The following STK24 variants were observed in gnomAD, a reference collection of about 807,000 sequenced individuals.
The protein encoded by STK24 is serine/threonine kinase 24.
Under a neutral mutation model 55.6 loss-of-function variants are expected in STK24, and 21 were observed. That is an observed-to-expected ratio of 0.38 (90% CI 0.27 to 0.54). The LOEUF (loss-of-function observed/expected upper bound fraction) is 0.54. Among genes scored for constraint, STK24 ranks in the 20% least tolerant of loss-of-function variants. The probability of loss-of-function intolerance (pLI) is 0.79; values close to 1 mark genes in which losing one functional copy is unlikely to be tolerated. For missense variants in STK24, 383 were observed against 538.4 expected, an observed-to-expected ratio of 0.71 and a Z score of 2.86; for synonymous variants, 200 against 215.2, an observed-to-expected ratio of 0.93 and a Z score of 0.62.
In STK24 at chr13:98,448,393, G is replaced by T; in HGVS notation, c.*4780C>A. Reference sequence around the variant, plus strand: ...CTTTCTTCTGTATTAATGAAGCCTGGTAAAATTAACACCTGTCTGAAAATC... The same window carrying T: ...CTTTCTTCTGTATTAATGAAGCCTGTTAAAATTAACACCTGTCTGAAAATC... On this transcript the variant is annotated 3_prime_UTR_variant, in exon 11 of 11. Coordinates refer to ENST00000539966, the MANE Select transcript of STK24 (RefSeq NM_001032296.4). 1 of 1,180,012 alleles carries T rather than the reference G, an allele frequency of 8.5e-7. No individual in the cohort carries two copies. The allele number at this position is 1,180,012 out of a possible 1,614,324, so 73.1% of individuals were successfully genotyped here.
At chr13:98,558,123 G>A (rs7322947) in intron 1 of STK24, among the ~76,000 whole-genome samples, 2,184 of 152,222 alleles carry the variant, frequency 0.014, 58 homozygotes, top group African/African-American at 0.049. Flanking sequence ...CCTTGAAGAC[G>A]GAGCTGTTAG....
chr13:98,538,221 GCT>G (rs1896790030), intron 1 of STK24, among the ~76,000 whole-genome samples: 1 of 79,208 alleles, frequency 1.3e-5, no homozygotes, highest in Admixed American at 1.4e-4. Flanking sequence ...TTTGGTGCTT[GCT>G]TTTTTTTTTT....
chr13:98,516,491 T>C (rs576752656), intron 2 of STK24, among the ~76,000 whole-genome samples: 3 of 152,226 alleles, frequency 2.0e-5, no homozygotes, highest in Non-Finnish European at 2.9e-5. Context: ...GCCTGTGTCC[T>C]CTTCCCACGA....
Position 98,456,935 on chromosome 13 carries a change from A to G in STK24, c.1259+233T>C, listed in dbSNP as rs1171178435. The G allele has an allele frequency of 6.8e-6, 4 of 587,250 alleles. No homozygotes were observed. The African/African-American group carries it at 7.4e-5, about 11-fold the overall frequency. 36.4% of individuals were successfully genotyped at this position (587,250 alleles called of 1,614,324 possible). ...ACCCTGTATTTATGTGGCAAAAGCT[A>G]CAAATGCACTAAGTCCTGTGGGCTT... On this transcript the variant is annotated intron_variant, in intron 10 of 10. Transcript: ENST00000539966.
chr13:98,497,287 C>T (rs960743072), intron 2 of STK24, among the ~76,000 whole-genome samples: 2 of 152,154 alleles, frequency 1.3e-5, no homozygotes, highest in East Asian at 1.9e-4. Context: ...CAGTTTTCTC[C>T]GCAGCACTTA....
intron 1 of STK24, among the ~76,000 whole-genome samples, chr13:98,564,465 C>T (rs1468689165): frequency 2.6e-5 from 4 of 152,126 alleles, no homozygotes; most frequent in Admixed American, 1.3e-4. Flanking sequence ...TTCAAAGGCC[C>T]AGGAACAGGC....
intron 2 of STK24, among the ~76,000 whole-genome samples, chr13:98,496,463 G>A (rs529420113): frequency 5.3e-5 from 8 of 152,164 alleles, no homozygotes; most frequent in Admixed American, 2.6e-4. Context: ...ACTGGGCCCC[G>A]GTGGGCTGTG....
At chr13:98,535,366 A>ATATAT (rs1410706895) in intron 1 of STK24, among the ~76,000 whole-genome samples, 2 of 39,376 alleles carry the variant, frequency 5.1e-5, no homozygotes, top group African/African-American at 1.3e-4. Flanking sequence ...ACAAACAAAA[A>ATATAT]AAAAATATAT....
rs1412770536 is a variant in STK24, at chr13:98,475,182, G to A, written c.439+68C>T. On this transcript the variant is annotated intron_variant, in intron 4 of 10. Coordinates refer to ENST00000539966, the MANE Select transcript of STK24 (RefSeq NM_001032296.4). ...AATGGGCGCCAGCACCTTCCCTTGA[G>A]AAGTCTTCAGGGCAACCCCACCACC... 4 of 1,466,560 alleles carry A rather than the reference G, an allele frequency of 2.7e-6. No homozygotes were observed. The African/African-American group carries it at 4.2e-5, about 16-fold the overall frequency. 90.8% of individuals were successfully genotyped at this position (1,466,560 alleles called of 1,614,324 possible). A position where few individuals can be genotyped will look rare whatever the true frequency, so the allele number is the denominator to read the frequency against.
chr13:98,532,360 C>T (rs1896602762), intron 1 of STK24, among the ~76,000 whole-genome samples: 2 of 152,036 alleles, frequency 1.3e-5, no homozygotes, highest in Non-Finnish European at 2.9e-5. Context: ...TGCCAGATGA[C>T]TTCAGTGACT....
chr13:98,476,240 G>GCCCCCCCC (rs138129188), intron 3 of STK24, among the ~76,000 whole-genome samples: 80 of 141,640 alleles, frequency 5.6e-4, no homozygotes, highest in Non-Finnish European at 8.3e-4. Flanking sequence ...CAGACGGGAA[G>GCCCCCCCC]CCCCCCCCCG....
chr13:98,476,747 G>A (rs1894393052), intron 3 of STK24, among the ~76,000 whole-genome samples: 1 of 152,214 alleles, frequency 6.6e-6, no homozygotes, highest in African/African-American at 2.4e-5. Flanking sequence ...TCCGGCCCAT[G>A]GGTGAGCTGT....
intron 2 of STK24, among the ~76,000 whole-genome samples, chr13:98,483,912 C>T (rs1321147935): frequency 6.6e-6 from 1 of 152,222 alleles, no homozygotes; most frequent in Non-Finnish European, 1.5e-5. Flanking sequence ...TCCAAATAAA[C>T]AGCCCAAGTT....
At chr13:98,504,169 CTT>C (rs1020716389) in intron 2 of STK24, among the ~76,000 whole-genome samples, 5 of 152,132 alleles carry the variant, frequency 3.3e-5, no homozygotes, top group African/African-American at 1.2e-4. Context: ...GAAAATTTCT[CTT>C]CTCTCAACCC....
chr13:98,450,471 G>A lies in STK24; in HGVS notation c.*2702C>T, dbSNP rs1396073744. On this transcript the variant is annotated 3_prime_UTR_variant, in exon 11 of 11. Coordinates refer to ENST00000539966, the MANE Select transcript of STK24 (RefSeq NM_001032296.4). Reference sequence around the variant, plus strand: ...ATAAGGAAGGCAGATGCACTTCCAAGAAAATCAGAACCCAGCAAGAAGTGG... The same window carrying A: ...ATAAGGAAGGCAGATGCACTTCCAAAAAAATCAGAACCCAGCAAGAAGTGG... 6.6e-6 allele frequency: 1 copy of A among 152,288 alleles called. No homozygotes were observed. Among genetic ancestry groups the A allele is most frequent in the Admixed American group, 6.5e-5 (1 of 15,286 alleles). 9.4% of individuals were successfully genotyped at this position (152,288 alleles called of 1,614,324 possible).
chr13:98,552,888 G>C (rs1236213740), intron 1 of STK24, among the ~76,000 whole-genome samples: 1 of 152,150 alleles, frequency 6.6e-6, no homozygotes, highest in Admixed American at 6.5e-5. Flanking sequence ...AGTGGTGGAT[G>C]CATGTCACTA....
chr13:98,521,584 G>A (rs1321096318), intron 1 of STK24, among the ~76,000 whole-genome samples: 1 of 152,084 alleles, frequency 6.6e-6, no homozygotes, highest in African/African-American at 2.4e-5. Flanking sequence ...GAATGCCCGG[G>A]TGGGTACCTC....
intron 2 of STK24, among the ~76,000 whole-genome samples, chr13:98,497,028 AG>A (rs1430812349): frequency 6.6e-6 from 1 of 152,156 alleles, no homozygotes; most frequent in Non-Finnish European, 1.5e-5. Context: ...CCGCATTTCT[AG>A]GAGCAAGAAA....
chr13:98,484,702 T>C (rs1220604210), intron 2 of STK24, among the ~76,000 whole-genome samples: 1 of 152,178 alleles, frequency 6.6e-6, no homozygotes, highest in African/African-American at 2.4e-5. Context: ...CTTCTCCTTT[T>C]AAGGAGCCCT....
Sources: gnomAD v4.1 joint callset for allele counts (sites outside exome capture counted in the v4.1 genomes callset) on GRCh38, gnomAD v4.1.1 for gene constraint, MANE v1.5 for transcripts, NCBI Gene and HGNC (gene_info 2026-07-23, HGNC 2026-07-21) for gene names.